Variants in OR52E5 observed in about 807,000 individuals in gnomAD.
The protein encoded by OR52E5 is olfactory receptor 52E5.
Position 5,901,611 on chromosome 11 carries a change from T to C in OR52E5, c.835T>C (p.Tyr279His). ...HYIHILLANL[Y>H]VVFPPALNSV... ...CATCCACATTCTTCTGGCCAATCTG[T>C]ATGTGGTTTTTCCCCCTGCTCTTAA... Residue 279 changes from tyrosine (Y) to histidine (H), a missense_variant, in exon 3 of 3, where the codon TAT becomes CAT. Physicochemically the swap from Tyr to His is moderately conservative, Grantham distance 83. Transcript: ENST00000610445. The C allele has an allele frequency of 2.5e-6, 1 of 401,586 alleles. No homozygotes were observed. The highest frequency in any genetic ancestry group is 3.6e-5 in the East Asian group (1 of 28,078). The allele number at this position is 401,586 out of a possible 1,614,324, so 24.9% of individuals were successfully genotyped here.
In OR52E5 at chr11:5,902,337, T is replaced by G. The variant is rs1407695165; in HGVS notation, c.*577T>G. 6.6e-6 allele frequency: 1 copy of G among 152,458 alleles called. No homozygotes were observed. Among genetic ancestry groups the G allele is most frequent in the Non-Finnish European group, 1.5e-5 (1 of 68,222 alleles). The allele number at this position is 152,458 out of a possible 1,614,324, so 9.4% of individuals were successfully genotyped here. A position where few individuals can be genotyped will look rare whatever the true frequency, so the allele number is the denominator to read the frequency against. ...TGCAGCTTGTAAAACATTAAAAGAT[T>G]TGGAAACAAAATGAGTGCTTACTAA... is the stretch of plus-strand genomic sequence containing the variant. On this transcript the variant is annotated 3_prime_UTR_variant, in exon 3 of 3. Transcript: ENST00000610445.
intron 1 of OR52E5, among the ~76,000 whole-genome samples, chr11:5,894,103 A>G (rs1054175637): frequency 1.3e-5 from 2 of 152,220 alleles, no homozygotes; most frequent in Admixed American, 1.3e-4. Flanking sequence ...AACTTTCAAT[A>G]GCCATTTGTG....
At chr11:5,898,313 G>A (rs1847203098) in intron 2 of OR52E5, among the ~76,000 whole-genome samples, 1 of 151,962 alleles carries the variant, frequency 6.6e-6, no homozygotes, top group South Asian at 2.1e-4. Context: ...AATTATTTAA[G>A]TCCTTATTGG....
chr11:5,897,414 C>T (rs186208491), intron 2 of OR52E5, among the ~76,000 whole-genome samples: 5 of 152,302 alleles, frequency 3.3e-5, no homozygotes, highest in African/African-American at 7.2e-5. Context: ...CATGAATTCA[C>T]TTAGAATAAT....
Position 5,900,829 on chromosome 11 carries a change from G to C in OR52E5, c.53G>C (p.Gly18Ala). Reference sequence around the variant, plus strand: ...CACCCTTCCACCTTCCTCGTAGTGGGGGTCCCAGGGCTGGAAGATGTGCAT... The same window carrying C: ...CACCCTTCCACCTTCCTCGTAGTGGCGGTCCCAGGGCTGGAAGATGTGCAT... Reference protein sequence around the residue: ...QFHPSTFLVVGVPGLEDVHVW... With the variant: ...QFHPSTFLVVAVPGLEDVHVW... Residue 18 changes from glycine to alanine, a missense_variant, in exon 3 of 3, where the codon GGG (glycine) becomes GCG (alanine). Coordinates refer to ENST00000610445, the MANE Select transcript of OR52E5 (RefSeq NM_001005166.5). 2 of 401,312 alleles carry C rather than the reference G, an allele frequency of 5.0e-6. No homozygotes were observed. The highest frequency in any genetic ancestry group is 8.8e-6 in the Non-Finnish European group (2 of 226,270). The allele number at this position is 401,312 out of a possible 1,614,324, so 24.9% of individuals were successfully genotyped here.
rs1847261394 is a variant in OR52E5 at position 5,901,922 on chromosome 11, C to T, written c.*162C>T. ...TTCCAAAACAATCTCTCTGTTTCAC[C>T]CATTAAAAGTGCAAAAAGTACTCAC... On this transcript the variant is annotated 3_prime_UTR_variant, in exon 3 of 3. Coordinates refer to ENST00000610445, the MANE Select transcript of OR52E5 (RefSeq NM_001005166.5). 1 of 395,594 alleles carries T rather than the reference C, an allele frequency of 2.5e-6. No homozygotes were observed. 24.5% of individuals were successfully genotyped at this position (395,594 alleles called of 1,614,324 possible).
At chr11:5,900,183 T>C (rs986755251) in intron 2 of OR52E5, among the ~76,000 whole-genome samples, 2 of 152,170 alleles carry the variant, frequency 1.3e-5, no homozygotes, top group African/African-American at 4.8e-5. Context: ...TCTGGAATTA[T>C]GCAATAGTTA....
In OR52E5 at chr11:5,901,355, T is replaced by C; in HGVS notation, c.579T>C (p.Ser193=). 2.5e-6 allele frequency: 1 copy of C among 401,702 alleles called. No homozygotes were observed. The highest frequency in any genetic ancestry group is 4.4e-6 in the Non-Finnish European group (1 of 226,348). The allele number at this position is 401,702 out of a possible 1,614,324, so 24.9% of individuals were successfully genotyped here. A position where few individuals can be genotyped will look rare whatever the true frequency, so the allele number is the denominator to read the frequency against. Residue 193 remains serine, a synonymous_variant, in exon 3 of 3, where the codon AGT becomes AGC. Transcript: ENST00000610445. ...HMGLAKLACA[S]INVIYGLIAF... ...GCTTGGCAAAGTTAGCTTGTGCCAGTATTAATGTTATATATGGATTGATTG... is the reference window on the plus strand; with the variant it reads ...GCTTGGCAAAGTTAGCTTGTGCCAGCATTAATGTTATATATGGATTGATTG...
Position 5,900,897 on chromosome 11 carries a change from C to CTG in OR52E5, c.122_123insGT (p.Leu42PhefsTer2). 1 of 401,284 alleles carries CTG rather than the reference C, an allele frequency of 2.5e-6. No homozygotes were observed. Among genetic ancestry groups the CTG allele is most frequent in the East Asian group, 3.6e-5 (1 of 28,072 alleles). 24.9% of individuals were successfully genotyped at this position (401,284 alleles called of 1,614,324 possible). ...CTTCTTTGCAGTGTATCTAACAGCC[C>CTG]TTCTAGGGAACATCATTATCCTGTT... On this transcript the variant is annotated frameshift_variant, in exon 3 of 3. Coordinates refer to ENST00000610445, the MANE Select transcript of OR52E5 (RefSeq NM_001005166.5). LOFTEE classifies it low-confidence loss of function (END_TRUNC).
Position 5,901,925 on chromosome 11 carries a change from T to C in OR52E5, c.*165T>C, listed in dbSNP as rs1047831233. On this transcript the variant is annotated 3_prime_UTR_variant, in exon 3 of 3. Coordinates refer to ENST00000610445, the MANE Select transcript of OR52E5 (RefSeq NM_001005166.5). Reference sequence around the variant, plus strand: ...CAAAACAATCTCTCTGTTTCACCCATTAAAAGTGCAAAAAGTACTCACACT... The same window carrying C: ...CAAAACAATCTCTCTGTTTCACCCACTAAAAGTGCAAAAAGTACTCACACT... 2.8e-5 allele frequency: 11 copies of C among 395,486 alleles called. No individual in the cohort carries two copies. The East Asian group carries it at 3.9e-4, about 14-fold the overall frequency. 24.5% of individuals were successfully genotyped at this position (395,486 alleles called of 1,614,324 possible). A position where few individuals can be genotyped will look rare whatever the true frequency, so the allele number is the denominator to read the frequency against.
At position 5,893,258 on chromosome 11, in the gene OR52E5, A is replaced by G. The variant is rs2134285346; in HGVS notation, c.-240A>G. The G allele has an allele frequency of 6.6e-6, 1 of 152,434 alleles. No individual in the cohort carries two copies. The highest frequency in any genetic ancestry group is 3.4e-3 in the Middle Eastern group (1 of 294). 9.4% of individuals were successfully genotyped at this position (152,434 alleles called of 1,614,324 possible). On this transcript the variant is annotated 5_prime_UTR_variant, in exon 1 of 3. An upstream start codon of the reference 5' UTR is lost. Transcript: ENST00000610445. ...CGGTCCTTCACAGACAATTTCTCAG[A>G]TGCGGGGCAGAGGTAGGTGAGTCAG...
At chr11:5,896,732 G>A in intron 2 of OR52E5, among the ~76,000 whole-genome samples, 1 of 152,078 alleles carries the variant, frequency 6.6e-6, no homozygotes, top group East Asian at 1.9e-4. Context: ...ATGATGTGGT[G>A]ATCATGTGAT....
intron 2 of OR52E5, among the ~76,000 whole-genome samples, chr11:5,896,174 G>A (rs767801318): frequency 1.9e-4 from 28 of 145,376 alleles, no homozygotes; most frequent in Admixed American, 2.1e-4. Flanking sequence ...AGGCTGAGGC[G>A]AGCAGATCAC....
rs10160336 is a variant in OR52E5 at position 5,900,992 on chromosome 11, T to C, written c.216T>C (p.Asp72=). 0.52 allele frequency: 209,230 copies of C among 401,760 alleles called. 55,711 individuals carry two copies. Among genetic ancestry groups the C allele is most frequent in the South Asian group, 0.56 (4,405 of 7,936 alleles). 24.9% of individuals were successfully genotyped at this position (401,760 alleles called of 1,614,324 possible). Reference sequence around the variant, plus strand: ...TCCTAGCCATGTTGGCCGGCACTGATCTGGGCTTGTCTACAGCAACCATCC... The same window carrying C: ...TCCTAGCCATGTTGGCCGGCACTGACCTGGGCTTGTCTACAGCAACCATCC... ...FYFLAMLAGT[D]LGLSTATIPK... Residue 72 remains aspartate (D), a synonymous_variant, in exon 3 of 3, where the codon GAT becomes GAC. Coordinates refer to ENST00000610445, the MANE Select transcript of OR52E5 (RefSeq NM_001005166.5).
intron 2 of OR52E5, among the ~76,000 whole-genome samples, chr11:5,897,855 T>C (rs1306982996): frequency 6.6e-6 from 1 of 152,076 alleles, no homozygotes; most frequent in African/African-American, 2.4e-5. Context: ...TTGTTTTTGT[T>C]GTTGTTTGTC....
At chr11:5,899,597 C>T (rs534289484) in intron 2 of OR52E5, among the ~76,000 whole-genome samples, 49 of 152,302 alleles carry the variant, frequency 3.2e-4, no homozygotes, top group Admixed American at 2.0e-3. Context: ...ACCCATGGCA[C>T]TGATATGGAT....
chr11:5,901,625 C>A lies in OR52E5; in HGVS notation c.849C>A (p.Pro283=). The A allele has an allele frequency of 2.5e-6, 1 of 401,334 alleles. No individual in the cohort carries two copies. The highest frequency in any genetic ancestry group is 3.6e-5 in the East Asian group (1 of 28,076). 24.9% of individuals were successfully genotyped at this position (401,334 alleles called of 1,614,324 possible). ...ILLANLYVVF[P]PALNSVIYGV... ...TGGCCAATCTGTATGTGGTTTTTCC[C>A]CCTGCTCTTAACTCTGTTATCTATG... The change falls in exon 3 of 3, where the codon CCC becomes CCA. Residue 283 remains proline (P), a synonymous_variant. Transcript: ENST00000610445.
At chr11:5,893,632 T>C (rs578101909) in intron 1 of OR52E5, among the ~76,000 whole-genome samples, 1 of 152,118 alleles carries the variant, frequency 6.6e-6, no homozygotes, top group Non-Finnish European at 1.5e-5. Context: ...AGCTGTGTGG[T>C]CTGCTTTTCA....
rs1169640126 is a variant in OR52E5 at position 5,901,230 on chromosome 11, G to T, written c.454G>T (p.Val152Phe). Residue 152 changes from valine to phenylalanine, a missense_variant, in exon 3 of 3, where the codon GTC (valine) becomes TTC (phenylalanine). Transcript: ENST00000610445. ...AGCCATTCTGGGCATAGTCATCATT[G>T]TCAGGACTTTGGTATTTGTGACTCC... ...VIAILGIVII[V>F]RTLVFVTPFT... The T allele has an allele frequency of 2.5e-6, 1 of 400,330 alleles. No individual in the cohort carries two copies. Among genetic ancestry groups the T allele is most frequent in the Non-Finnish European group, 4.4e-6 (1 of 226,360 alleles). 24.8% of individuals were successfully genotyped at this position (400,330 alleles called of 1,614,324 possible).
Sources: allele counts gnomAD v4.1 joint callset (sites outside exome capture counted in the v4.1 genomes callset), GRCh38; gene constraint gnomAD v4.1.1; transcripts MANE v1.5; gene names NCBI Gene and HGNC (gene_info 2026-07-23, HGNC 2026-07-21).